Variants in CHRNA7 observed in about 807,000 individuals in gnomAD.
CHRNA7 encodes the protein neuronal acetylcholine receptor subunit alpha-7.
A neutral mutation model predicts 48.0 loss-of-function variants in CHRNA7; 17 were observed. The observed-to-expected ratio is 0.35, with a 90% CI of 0.24 to 0.53. CHRNA7 has a LOEUF of 0.53. CHRNA7 is among the 20% of genes least tolerant of loss of function. The pLI is 0.92. For missense variants in CHRNA7, 155 were observed against 577.7 expected, an observed-to-expected ratio of 0.27 and a Z score of 7.50; for synonymous variants, 75 against 242.3, an observed-to-expected ratio of 0.31 and a Z score of 6.41.
Position 32,114,034 on chromosome 15 carries a change from A to ATGTG in CHRNA7, c.350+2136_350+2137insGTGT, listed in dbSNP as rs1345247117. 1.3e-4 allele frequency among the ~76,000 whole-genome samples: 12 copies of ATGTG among 94,256 alleles called. No homozygotes were observed. In the Admixed American group the frequency reaches 1.4e-3, roughly 11 times the overall value. The allele number at this position is 94,256 out of a possible 152,430, so 61.8% of individuals were successfully genotyped here. ...GCTATCTCCAAATATATATATATAT[A>ATGTG]TATATATATGTATATATATATATAT... On this transcript the variant is annotated intron_variant, in intron 4 of 9. Transcript: ENST00000306901.
Position 32,149,006 on chromosome 15 carries a change from C to G in CHRNA7, c.351-4901C>G, listed in dbSNP as rs537937090. Among the ~76,000 whole-genome samples, 1 of 152,172 alleles carries G rather than the reference C, an allele frequency of 6.6e-6. No individual in the cohort carries two copies. The highest frequency in any genetic ancestry group is 2.4e-5 in the African/African-American group (1 of 41,442). On this transcript the variant is annotated intron_variant, in intron 4 of 9. Transcript: ENST00000306901. The surrounding 1 kb of genome is among the most constrained non-coding windows in gnomAD (Gnocchi z 4.6). ...TGAGTTACATTTGCCCCAGTCACCCCCTCCGTGGTGAGGGTAGGGCTCAGA... is the reference window on the plus strand; with the variant it reads ...TGAGTTACATTTGCCCCAGTCACCCGCTCCGTGGTGAGGGTAGGGCTCAGA...
chr15:32,039,470 T>C (rs1339041288), intron 2 of CHRNA7, among the ~76,000 whole-genome samples: 2 of 152,196 alleles, frequency 1.3e-5, no homozygotes, highest in Non-Finnish European at 2.9e-5. Flanking sequence ...TTCATTTTCA[T>C]TTCAGTTAAA....
intron 2 of CHRNA7, among the ~76,000 whole-genome samples, chr15:32,068,919 C>T (rs993637560): frequency 2.6e-5 from 4 of 152,046 alleles, no homozygotes; most frequent in Non-Finnish European, 5.9e-5. Context: ...TTGAAGACTT[C>T]GGTACCCCTC....
chr15:32,136,883 T>A (rs1266219798), intron 4 of CHRNA7, among the ~76,000 whole-genome samples: 2 of 143,738 alleles, frequency 1.4e-5, no homozygotes, highest in African/African-American at 2.6e-5. Context: ...TACAAAAAAA[T>A]TAGCCGGGCG....
intron 2 of CHRNA7, chr15:32,100,083 C>T (rs1339708073): frequency 1.3e-5 from 2 of 152,170 alleles, no homozygotes; most frequent in Non-Finnish European, 2.9e-5. Flanking sequence ...CTGTCAACTG[C>T]TTACATGCTG....
intron 4 of CHRNA7, among the ~76,000 whole-genome samples, chr15:32,116,172 C>T (rs1249599803): frequency 1.3e-5 from 2 of 152,186 alleles, no homozygotes; most frequent in Non-Finnish European, 2.9e-5. Context: ...CCTGTGTAAG[C>T]CCCAGTTTTG....
chr15:32,116,160 AT>A (rs1167732024), intron 4 of CHRNA7, among the ~76,000 whole-genome samples: 2 of 152,208 alleles, frequency 1.3e-5, no homozygotes, highest in Non-Finnish European at 2.9e-5. Context: ...GGTTAAATGC[AT>A]CCTGTGTAAG....
chr15:32,098,458 G>A (rs983754269), intron 2 of CHRNA7, among the ~76,000 whole-genome samples: 26 of 146,796 alleles, frequency 1.8e-4, no homozygotes, highest in African/African-American at 6.3e-4. Context: ...TTTGAGAAGG[G>A]GGAAAGGGGT....
chr15:32,166,673 G>A (rs1302637226), intron 9 of CHRNA7: 3 of 148,026 alleles, frequency 2.0e-5, no homozygotes, highest in Non-Finnish European at 4.4e-5. Flanking sequence ...AAATGTAAAT[G>A]AAATCAGGAT....
At chr15:32,030,830 C>A in intron 1 of CHRNA7, 68 bp from the exon 2 acceptor site, 1 of 1,560,246 alleles carries the variant, frequency 6.4e-7, no homozygotes, top group Non-Finnish European at 8.7e-7. Flanking sequence ...GGGACGCCGG[C>A]AGGAGGGAGT....
intron 4 of CHRNA7, among the ~76,000 whole-genome samples, chr15:32,132,772 T>C (rs559316493): frequency 3.3e-5 from 5 of 152,324 alleles, no homozygotes; most frequent in African/African-American, 1.2e-4. Context: ...GATTTAACCC[T>C]GGTCAGCTCT....
At chr15:32,091,250 C>A (rs1244694164) in intron 2 of CHRNA7, among the ~76,000 whole-genome samples, 1 of 152,140 alleles carries the variant, frequency 6.6e-6, no homozygotes, top group Non-Finnish European at 1.5e-5. Context: ...GGTTTTCTCT[C>A]TTTCACTCAT....
chr15:32,114,077 C>CATATAT (rs781409368), intron 4 of CHRNA7, among the ~76,000 whole-genome samples: 2 of 93,830 alleles, frequency 2.1e-5, no homozygotes, highest in Non-Finnish European at 4.2e-5. Flanking sequence ...TATATATATA[C>CATATAT]ACATACATAC....
At chr15:32,143,420 G>A (rs2051422425) in intron 4 of CHRNA7, among the ~76,000 whole-genome samples, 1 of 152,188 alleles carries the variant, frequency 6.6e-6, no homozygotes, top group East Asian at 1.9e-4. Context: ...GGAGAGTTCT[G>A]TAGATATCTA....
At chr15:32,138,027 A>G (rs1234122182) in intron 4 of CHRNA7, among the ~76,000 whole-genome samples, 1 of 152,244 alleles carries the variant, frequency 6.6e-6, no homozygotes, top group African/African-American at 2.4e-5. Context: ...ACCAAACTCA[A>G]GAAGTTATAA....
chr15:32,033,614 A>G (rs1206334899), intron 2 of CHRNA7, among the ~76,000 whole-genome samples: 2 of 152,230 alleles, frequency 1.3e-5, no homozygotes, highest in African/African-American at 2.4e-5. Flanking sequence ...ATAACAAAAT[A>G]TGCAAACATT....
chr15:32,117,683 G>T (rs2050897104), intron 4 of CHRNA7, among the ~76,000 whole-genome samples: 1 of 152,116 alleles, frequency 6.6e-6, no homozygotes, highest in Admixed American at 6.5e-5. Flanking sequence ...CCCAGCAAGG[G>T]GTGCCTATTC....
chr15:32,059,090 G>A (rs1410855895), intron 2 of CHRNA7, among the ~76,000 whole-genome samples: 8 of 151,690 alleles, frequency 5.3e-5, no homozygotes, highest in Non-Finnish European at 1.0e-4. Flanking sequence ...TGCAACCTCC[G>A]CCTCCTGGGT....
chr15:32,118,982 C>T (rs1251865492), intron 4 of CHRNA7, among the ~76,000 whole-genome samples: 1 of 84,648 alleles, frequency 1.2e-5, no homozygotes. Context: ...TGAAAGACTT[C>T]GAAATGCAAA....
Sources: gnomAD v4.1 joint callset for allele counts (sites outside exome capture counted in the v4.1 genomes callset) on GRCh38, gnomAD v4.1.1 for gene constraint, Gnocchi (gnomAD v3.1) non-coding constraint, MANE v1.5 for transcripts, NCBI Gene and HGNC (gene_info 2026-07-23, HGNC 2026-07-21) for gene names.